Variants in MCC observed in about 807,000 individuals in gnomAD.
MCC encodes the protein colorectal mutant cancer protein.
A neutral mutation model predicts 116.2 loss-of-function variants in MCC; 90 were observed. The ratio of observed to expected loss-of-function variants is 0.77; its 90% CI spans 0.65 to 0.92. The LOEUF is 0.92. Ranked by LOEUF, MCC falls within the 40% of genes least tolerant of loss-of-function variation. The pLI is 0.00. For missense variants in MCC, 1,516 were observed against 1,312.2 expected (o/e 1.16, Z -2.40); for synonymous variants, 578 against 510.5 (o/e 1.13, Z -1.78).
At chr5:113,264,640 C>T (rs1765350627) in intron 3 of MCC, among the ~76,000 whole-genome samples, 1 of 151,968 alleles carries the variant, frequency 6.6e-6, no homozygotes, top group South Asian at 2.1e-4. Context: ...TTTTGTAGAG[C>T]CTACAAGGTA....
chr5:113,220,057 C>CTT (rs1229213218), intron 3 of MCC, among the ~76,000 whole-genome samples: 5 of 79,496 alleles, frequency 6.3e-5, no homozygotes, highest in Admixed American at 1.3e-4. Context: ...ATGTCAATTT[C>CTT]TTTTTCTTTT....
At chr5:113,294,582 C>G (rs1301475093) in intron 3 of MCC, 4 of 1,253,310 alleles carry the variant, frequency 3.2e-6, no homozygotes, top group Non-Finnish European at 4.0e-6. Context: ...TCGCGTTTCA[C>G]GGACGAGCCA....
chr5:113,063,786 A>G (rs1452583659), intron 14 of MCC, among the ~76,000 whole-genome samples, 198 bp downstream of exon 14: 1 of 152,234 alleles, frequency 6.6e-6, no homozygotes, highest in Non-Finnish European at 1.5e-5. Flanking sequence ...CACATTGGCA[A>G]AGTGAGAGGG....
intron 12 of MCC, among the ~76,000 whole-genome samples, chr5:113,069,359 T>C (rs1239297184): frequency 6.6e-6 from 1 of 152,214 alleles, no homozygotes; most frequent in Non-Finnish European, 1.5e-5. Flanking sequence ...AGGTAAAATA[T>C]CAAACAACAG....
intron 9 of MCC, 84 bp downstream of exon 9, chr5:113,085,080 G>T: frequency 6.3e-7 from 1 of 1,584,862 alleles, no homozygotes; most frequent in South Asian, 1.1e-5. Context: ...CTAAGGGCAT[G>T]CCTGTACAGT....
At chr5:113,303,797 C>T (rs552289153) in intron 3 of MCC, among the ~76,000 whole-genome samples, 53 of 152,114 alleles carry the variant, frequency 3.5e-4, no homozygotes, top group Non-Finnish European at 6.3e-4. Context: ...GGATTACAGT[C>T]GCCAGCCACT....
At chr5:113,334,160 TTC>T (rs1029407271) in intron 3 of MCC, among the ~76,000 whole-genome samples, 8 of 148,228 alleles carry the variant, frequency 5.4e-5, no homozygotes, top group African/African-American at 2.0e-4. Flanking sequence ...AAAGTGAAAC[TTC>T]TGTTATGTTT....
chr5:113,191,679 C>T (rs143297882), intron 3 of MCC, among the ~76,000 whole-genome samples: 161 of 152,232 alleles, frequency 1.1e-3, no homozygotes, highest in African/African-American at 3.7e-3. Context: ...TGAGGATGGG[C>T]GACTTGATTT....
intron 1 of MCC, among the ~76,000 whole-genome samples, chr5:113,481,819 ACT>A (rs1561594847): frequency 1.3e-5 from 2 of 152,182 alleles, no homozygotes; most frequent in African/African-American, 4.8e-5. Flanking sequence ...ATGTTCACCC[ACT>A]GTTTTTTACT....
chr5:113,262,272 A>C (rs1765246153), intron 3 of MCC, among the ~76,000 whole-genome samples: 1 of 152,150 alleles, frequency 6.6e-6, no homozygotes, highest in Non-Finnish European at 1.5e-5. Flanking sequence ...GATTCTAGGC[A>C]TATCAGTGTC....
At chr5:113,465,817 T>C (rs999418185) in intron 1 of MCC, among the ~76,000 whole-genome samples, 9 of 152,174 alleles carry the variant, frequency 5.9e-5, no homozygotes, top group Non-Finnish European at 1.2e-4. Flanking sequence ...CATATTCAGA[T>C]GTTAGATGAT....
chr5:113,329,430 A>C (rs78456893), intron 3 of MCC, among the ~76,000 whole-genome samples: 6,118 of 143,472 alleles, frequency 0.043, 150 homozygotes, highest in African/African-American at 0.082. Flanking sequence ...ATACATATAT[A>C]CACACATACA....
At chr5:113,455,593 T>C (rs1377487954) in intron 1 of MCC, among the ~76,000 whole-genome samples, 2 of 152,224 alleles carry the variant, frequency 1.3e-5, no homozygotes, top group South Asian at 2.1e-4. Context: ...CTCTTGGGGA[T>C]ATATATGTTT....
intron 2 of MCC, among the ~76,000 whole-genome samples, chr5:113,382,332 G>A (rs1434193460): frequency 6.7e-6 from 1 of 149,136 alleles, no homozygotes; most frequent in African/African-American, 2.5e-5. Context: ...GTGCAGTGGT[G>A]TAATCATAGC....
At chr5:113,289,351 AG>A (rs1272062058) in intron 3 of MCC, among the ~76,000 whole-genome samples, 6 of 151,832 alleles carry the variant, frequency 4.0e-5, no homozygotes, top group Admixed American at 2.6e-4. Flanking sequence ...AAAAATGAAA[AG>A]AAAAAAGAAA....
chr5:113,403,624 G>A (rs1244792102), intron 1 of MCC, among the ~76,000 whole-genome samples: 2 of 152,172 alleles, frequency 1.3e-5, no homozygotes, highest in African/African-American at 2.4e-5. Context: ...AGGTGGTAAA[G>A]TTCCAGCCGG....
At chr5:113,108,816 C>T (rs1299797586) in intron 6 of MCC, among the ~76,000 whole-genome samples, 5 of 152,184 alleles carry the variant, frequency 3.3e-5, no homozygotes, top group African/African-American at 1.2e-4. Context: ...TCATAGGAAG[C>T]TGAATGTATA....
chr5:113,102,720 C>T (rs1756496649), intron 7 of MCC, among the ~76,000 whole-genome samples: 1 of 152,226 alleles, frequency 6.6e-6, no homozygotes, highest in Non-Finnish European at 1.5e-5. Flanking sequence ...ACTGTTCATT[C>T]ACATTTACTG....
At chr5:113,135,041 A>C (rs1238602841) in intron 5 of MCC, among the ~76,000 whole-genome samples, 13 of 150,696 alleles carry the variant, frequency 8.6e-5, no homozygotes, top group African/African-American at 3.2e-4. Context: ...TCCCGGGTTC[A>C]AGCAATTCTC....
Sources: allele counts gnomAD v4.1 joint callset (sites outside exome capture counted in the v4.1 genomes callset), GRCh38; gene constraint gnomAD v4.1.1; transcripts MANE v1.5; gene names NCBI Gene and HGNC (gene_info 2026-07-23, HGNC 2026-07-21).